The following FRAS1 variants were observed in gnomAD, a reference collection of about 807,000 sequenced individuals.
FRAS1 encodes Fraser extracellular matrix complex subunit 1.
A neutral mutation model predicts 435.2 loss-of-function variants in FRAS1; 290 were observed. The observed-to-expected ratio is 0.67, with a 90% CI of 0.61 to 0.73. The LOEUF is 0.73. FRAS1 is among the 30% of genes least tolerant of loss of function. The pLI is 0.00. For synonymous variants in FRAS1, 1,800 were observed against 1,851.0 expected, an observed-to-expected ratio of 0.97 and a Z score of 0.71; for missense variants, 4,860 against 5,001.5, an observed-to-expected ratio of 0.97 and a Z score of 0.85.
At chr4:78,284,640 C>T in intron 13 of FRAS1, 92 bp downstream of exon 13, 2 of 1,192,812 alleles carry the variant, frequency 1.7e-6, no homozygotes, top group South Asian at 3.4e-5. Context: ...TCAGTATTGT[C>T]AAGGAGGGGG....
At chr4:78,240,048 CAAT>C (rs1019316602) in intron 3 of FRAS1, among the ~76,000 whole-genome samples, 10 of 151,624 alleles carry the variant, frequency 6.6e-5, no homozygotes, top group Admixed American at 5.9e-4. Context: ...GGTAGGCACT[CAAT>C]AATTTTTTTT....
At chr4:78,203,882 A>G (rs1273781801) in intron 2 of FRAS1, among the ~76,000 whole-genome samples, 1 of 152,114 alleles carries the variant, frequency 6.6e-6, no homozygotes, top group Non-Finnish European at 1.5e-5. Context: ...CTTGTTTCCT[A>G]CTGTAAACAA....
Position 78,481,982 on chromosome 4 carries a change from G to A in FRAS1, c.8604+18G>A. 1.9e-6 allele frequency: 3 copies of A among 1,608,422 alleles called. No homozygotes were observed. The highest frequency in any genetic ancestry group is 1.7e-6 in the Non-Finnish European group (2 of 1,178,500). ...TTGAACAGGTGCGTTTACAGCAGTC[G>A]AGACTCCACAAAGTTGACAGGTCGG... On this transcript the variant is annotated intron_variant, in intron 57 of 73. Coordinates refer to ENST00000512123, the MANE Select transcript of FRAS1 (RefSeq NM_025074.7).
intron 47 of FRAS1, among the ~76,000 whole-genome samples, chr4:78,457,681 TA>T (rs1405198259): frequency 6.6e-6 from 1 of 152,236 alleles, no homozygotes; most frequent in Non-Finnish European, 1.5e-5. Context: ...CTAGACGTCT[TA>T]AATCCTTAAA....
intron 5 of FRAS1, among the ~76,000 whole-genome samples, chr4:78,252,805 A>G (rs1725605218): frequency 6.6e-6 from 1 of 152,052 alleles, no homozygotes; most frequent in Non-Finnish European, 1.5e-5. Context: ...TTAAAAGGAG[A>G]GGGGGTGTAC....
At chr4:78,068,476 G>T (rs10016219) in intron 2 of FRAS1, 1 of 454,914 alleles carries the variant, frequency 2.2e-6, no homozygotes, top group African/African-American at 2.0e-5. Flanking sequence ...CATGGAGGAT[G>T]GCAAGAGATA....
chr4:78,088,007 A>T (rs909391363), intron 2 of FRAS1, among the ~76,000 whole-genome samples: 1 of 152,176 alleles, frequency 6.6e-6, no homozygotes, highest in Non-Finnish European at 1.5e-5. Context: ...GAGGCATCAC[A>T]CTACCTGACT....
At chr4:78,511,565 G>T (rs1206253733) in intron 64 of FRAS1, 59 bp downstream of exon 64, 5 of 1,253,176 alleles carry the variant, frequency 4.0e-6, no homozygotes, top group Non-Finnish European at 5.8e-6. Context: ...GGTCTCCTTT[G>T]TGTGTTTCCC....
intron 18 of FRAS1, among the ~76,000 whole-genome samples, chr4:78,331,213 T>C (rs1357070137): frequency 6.6e-6 from 1 of 152,228 alleles, no homozygotes. Context: ...CTGTTTATCA[T>C]ATAGTAAAAA....
At chr4:78,335,903 G>T (rs1482074579) in intron 19 of FRAS1, among the ~76,000 whole-genome samples, 32 of 135,060 alleles carry the variant, frequency 2.4e-4, no homozygotes, top group South Asian at 1.2e-3. Context: ...GTGTGTGGTG[G>T]TTTTTTTTTT....
At chr4:78,065,917 C>A in intron 1 of FRAS1, 68 bp from the exon 2 acceptor site, 1 of 1,190,810 alleles carries the variant, frequency 8.4e-7, no homozygotes, top group Non-Finnish European at 1.2e-6. Context: ...TAGCAGCAAG[C>A]TTGCTGGGGC....
chr4:78,080,107 C>G (rs896051464), intron 2 of FRAS1, among the ~76,000 whole-genome samples: 4 of 152,072 alleles, frequency 2.6e-5, no homozygotes, highest in African/African-American at 9.7e-5. Context: ...TGGCATCTCA[C>G]CTTGCAGCAA....
intron 2 of FRAS1, among the ~76,000 whole-genome samples, chr4:78,099,874 G>A (rs1742029373): frequency 1.3e-5 from 2 of 152,198 alleles, no homozygotes; most frequent in Admixed American, 1.3e-4. Flanking sequence ...CCACTGTAGT[G>A]TAGCATTGTA....
At chr4:78,329,699 C>T (rs916632733) in intron 18 of FRAS1, among the ~76,000 whole-genome samples, 8 of 152,268 alleles carry the variant, frequency 5.3e-5, no homozygotes, top group South Asian at 2.1e-4. Context: ...ATTCCTATAA[C>T]GAGACTGACC....
At chr4:78,347,791 T>G (rs1296873758) in intron 20 of FRAS1, among the ~76,000 whole-genome samples, 11 of 120,392 alleles carry the variant, frequency 9.1e-5, no homozygotes, top group Non-Finnish European at 1.1e-4. Flanking sequence ...GTGTGTGTTT[T>G]TTTTTTTTTT....
At position 78,190,737 on chromosome 4, in the gene FRAS1, T is replaced by G. The variant is rs942169152; in HGVS notation, c.109-46773T>G. On this transcript the variant is annotated intron_variant, in intron 2 of 73. Coordinates refer to ENST00000512123, the MANE Select transcript of FRAS1 (RefSeq NM_025074.7). ...ATTTGAATGGTTACACAAATGGTTG[T>G]TTGTTTTATTGTGCTTCTGTTGTGT... is the stretch of plus-strand genomic sequence containing the variant. 2.0e-5 allele frequency among the ~76,000 whole-genome samples: 3 copies of G among 151,728 alleles called. No homozygotes were observed. The East Asian group carries it at 5.8e-4, about 29-fold the overall frequency.
chr4:78,127,517 G>A (rs1719426918), intron 2 of FRAS1, among the ~76,000 whole-genome samples: 1 of 152,210 alleles, frequency 6.6e-6, no homozygotes, highest in African/African-American at 2.4e-5. Context: ...GAGAAGAGGA[G>A]GGATTTGGGA....
At position 78,057,872 on chromosome 4, in the gene FRAS1, T is replaced by G. The variant is rs1475234998; in HGVS notation, c.-138T>G. 1 of 711,430 alleles carries G rather than the reference T, an allele frequency of 1.4e-6. No homozygotes were observed. The highest frequency in any genetic ancestry group is 2.4e-6 in the Non-Finnish European group (1 of 417,628). The allele number at this position is 711,430 out of a possible 1,614,324, so 44.1% of individuals were successfully genotyped here. On this transcript the variant is annotated 5_prime_UTR_variant, in exon 1 of 74. Coordinates refer to ENST00000512123, the MANE Select transcript of FRAS1 (RefSeq NM_025074.7). This position sits in a 1 kb window ranked among gnomAD's most constrained non-coding sequence, Gnocchi z 4.2. ...GAGTGTCGCTCTCCGCCCGTCCATC[T>G]CTTTTTCCCGGAGGTAAAGGCCCGC...
At chr4:78,393,312 G>A (rs1578295107) in intron 29 of FRAS1, among the ~76,000 whole-genome samples, 1 of 151,888 alleles carries the variant, frequency 6.6e-6, no homozygotes, top group East Asian at 1.9e-4. Flanking sequence ...AGGTCTTCAG[G>A]ACTTACTTAT....
Sources: gnomAD v4.1 joint callset for allele counts (sites outside exome capture counted in the v4.1 genomes callset) on GRCh38, gnomAD v4.1.1 for gene constraint, Gnocchi (gnomAD v3.1) non-coding constraint, MANE v1.5 for transcripts, NCBI Gene and HGNC (gene_info 2026-07-23, HGNC 2026-07-21) for gene names.